Variants in SNAP23 observed in about 807,000 individuals in gnomAD.
SNAP23 encodes the protein synaptosome associated protein 23, also known as synaptosomal-associated protein 23.
Under a neutral mutation model 29.0 loss-of-function variants are expected in SNAP23, and 11 were observed. The ratio of observed to expected loss-of-function variants is 0.38; its 90% confidence interval spans 0.24 to 0.63. The LOEUF is 0.63. Among genes scored for constraint, SNAP23 ranks in the 20% least tolerant of loss-of-function variants. SNAP23 has a pLI of 0.58. For missense variants in SNAP23, 220 were observed against 253.9 expected (o/e 0.87, Z 0.91); for synonymous variants, 60 against 82.9 (o/e 0.72, Z 1.50).
At chr15:42,493,121 C>T (rs1009124103), upstream of SNAP23, among the ~76,000 whole-genome samples, 2 of 152,190 alleles carry the variant, frequency 1.3e-5, no homozygotes, top group South Asian at 2.1e-4. Context: ...GGAGGCAGAT[C>T]GCTTGAGTCC....
chr15:42,530,695 A>C (rs957597170), intron 7 of SNAP23, among the ~76,000 whole-genome samples: 4 of 152,208 alleles, frequency 2.6e-5, no homozygotes, highest in Non-Finnish European at 5.9e-5. Context: ...GGCTGCAGTG[A>C]GCTGTGATTG....
At chr15:42,504,880 C>G (rs1381779996) in intron 1 of SNAP23, among the ~76,000 whole-genome samples, 1 of 152,158 alleles carries the variant, frequency 6.6e-6, no homozygotes, top group Non-Finnish European at 1.5e-5. Flanking sequence ...TGGACGTAGA[C>G]TTCTATCAAG....
intron 1 of SNAP23, among the ~76,000 whole-genome samples, chr15:42,497,043 CT>C (rs1223381614): frequency 1.6e-3 from 222 of 141,160 alleles, no homozygotes; most frequent in Middle Eastern, 7.4e-3. Context: ...TTCTTTCTTT[CT>C]TTTTTTTTTT....
chr15:42,529,714 C>T lies in SNAP23; in HGVS notation c.465C>T (p.Asn155=). Residue 155 remains asparagine (N), a synonymous_variant, in exon 7 of 8, where the codon AAC becomes AAT. Transcript: ENST00000249647. ...CCAGAGAAGATGAAATGGAAGAGAA[C>T]CTGACTCAAGTGGGCAGTATCCTGG... ...NDAREDEMEE[N]LTQVGSILGN... is the part of the protein sequence containing the mutation. 1.2e-6 allele frequency: 2 copies of T among 1,614,002 alleles called. No homozygotes were observed. The highest frequency in any genetic ancestry group is 1.3e-5 in the African/African-American group (1 of 75,016).
chr15:42,528,501 C>A, intron 6 of SNAP23, 81 bp downstream of exon 6: 1 of 1,252,550 alleles, frequency 8.0e-7, no homozygotes, highest in Non-Finnish European at 1.1e-6. Context: ...GTACATGACC[C>A]CTAATAAAAC....
rs893863889 is a variant in SNAP23, at chr15:42,496,827, A to C, written c.-15+1114A>C. Among the ~76,000 whole-genome samples, 4 of 152,116 alleles carry C rather than the reference A, an allele frequency of 2.6e-5. 1 individual carries two copies. Among genetic ancestry groups the C allele is most frequent in the Non-Finnish European group, 4.4e-5 (3 of 68,014 alleles). On this transcript the variant is annotated intron_variant, in intron 1 of 7. Transcript: ENST00000249647. ...CTGGGGAGGCCTCAGGAAACTTATA[A>C]TCATGGTGGAAAGCAAAGGAGAAGC...
chr15:42,497,458 C>G lies in SNAP23; in HGVS notation c.-15+1745C>G, dbSNP rs754286254. On this transcript the variant is annotated intron_variant, in intron 1 of 7. Coordinates refer to ENST00000249647, the MANE Select transcript of SNAP23 (RefSeq NM_003825.4). Reference sequence around the variant, plus strand: ...TCCTGACCTCAGGTTATCCACCGGCCTCCGCCTCCCAAAGTGCTGGGATTA... The same window carrying G: ...TCCTGACCTCAGGTTATCCACCGGCGTCCGCCTCCCAAAGTGCTGGGATTA... Among the ~76,000 whole-genome samples the G allele has an allele frequency of 2.0e-5, 3 of 152,184 alleles. No homozygotes were observed. In the South Asian group the frequency reaches 6.2e-4, roughly 31 times the overall value.
At chr15:42,498,045 C>T (rs1213068346) in intron 1 of SNAP23, among the ~76,000 whole-genome samples, 1 of 152,192 alleles carries the variant, frequency 6.6e-6, no homozygotes, top group Non-Finnish European at 1.5e-5. Flanking sequence ...CAGTTCTGAC[C>T]CTGTGGCTTT....
intron 5 of SNAP23, among the ~76,000 whole-genome samples, chr15:42,523,538 A>G (rs181966722): frequency 9.2e-5 from 14 of 152,346 alleles, no homozygotes; most frequent in Admixed American, 3.9e-4. Context: ...ACAGGCATGA[A>G]CTGTTGACTA....
At chr15:42,494,585 G>A (rs1316436806), upstream of SNAP23, among the ~76,000 whole-genome samples, 1 of 149,356 alleles carries the variant, frequency 6.7e-6, no homozygotes, top group Non-Finnish European at 1.5e-5. Context: ...GCATGATCTT[G>A]GCCCACTGCA....
At chr15:42,503,992 G>A (rs1417293614) in intron 1 of SNAP23, among the ~76,000 whole-genome samples, 1 of 151,990 alleles carries the variant, frequency 6.6e-6, no homozygotes, top group Non-Finnish European at 1.5e-5. Flanking sequence ...AGATAGAAAG[G>A]AAAGCCCAGA....
chr15:42,503,956 A>G (rs1218454407), intron 1 of SNAP23, among the ~76,000 whole-genome samples: 1 of 152,182 alleles, frequency 6.6e-6, no homozygotes, highest in East Asian at 1.9e-4. Flanking sequence ...ATATATAAAA[A>G]TGGTTAAAGT....
chr15:42,494,742 C>G (rs976169151), upstream of SNAP23, among the ~76,000 whole-genome samples: 14 of 152,206 alleles, frequency 9.2e-5, no homozygotes, highest in Non-Finnish European at 2.1e-4. Context: ...GTCTGGAACT[C>G]CTGACCTCGT....
chr15:42,494,468 G>T (rs1206159560), upstream of SNAP23, among the ~76,000 whole-genome samples: 1 of 149,394 alleles, frequency 6.7e-6, no homozygotes, highest in Admixed American at 6.7e-5. Context: ...AATGTAGCTG[G>T]GATTACAGAC....
chr15:42,526,559 G>A (rs917962697), intron 5 of SNAP23, among the ~76,000 whole-genome samples: 3 of 152,104 alleles, frequency 2.0e-5, no homozygotes, highest in African/African-American at 7.2e-5. Context: ...GCCTATTAAG[G>A]AAGAAGTCAC....
intron 1 of SNAP23, among the ~76,000 whole-genome samples, chr15:42,506,771 A>G (rs747484158): frequency 1.3e-5 from 2 of 151,844 alleles, no homozygotes; most frequent in Non-Finnish European, 2.9e-5. Flanking sequence ...CAGCTCTCAT[A>G]TGATCTATTG....
rs2057575993 is a variant in SNAP23, at chr15:42,532,466, C to T, written c.*988C>T. On this transcript the variant is annotated 3_prime_UTR_variant, in exon 8 of 8. Transcript: ENST00000249647. ...AAATCTGTGATCCCATTTCTTATTG[C>T]ACCATTCAGGAACACTTTATATAAA... The T allele has an allele frequency of 1.3e-5, 2 of 152,256 alleles. No individual in the cohort carries two copies. The highest frequency in any genetic ancestry group is 4.8e-5 in the African/African-American group (2 of 41,442). The allele number at this position is 152,256 out of a possible 1,614,324, so 9.4% of individuals were successfully genotyped here.
intron 1 of SNAP23, among the ~76,000 whole-genome samples, chr15:42,503,145 TC>T (rs2057288695): frequency 6.6e-6 from 1 of 152,142 alleles, no homozygotes; most frequent in African/African-American, 2.4e-5. Flanking sequence ...ATGATTTCTG[TC>T]TTGAATCTTG....
At chr15:42,526,219 C>G (rs189117970) in intron 5 of SNAP23, among the ~76,000 whole-genome samples, 1 of 152,284 alleles carries the variant, frequency 6.6e-6, no homozygotes, top group Admixed American at 6.5e-5. Flanking sequence ...ACTTACTCTG[C>G]TCTAGAATTT....
Sources: gnomAD v4.1 joint callset for allele counts (sites outside exome capture counted in the v4.1 genomes callset) on GRCh38, gnomAD v4.1.1 for gene constraint, MANE v1.5 for transcripts, NCBI Gene and HGNC (gene_info 2026-07-23, HGNC 2026-07-21) for gene names.